TBC1D1: variants seen among roughly 807,000 people sequenced by gnomAD.
The protein encoded by TBC1D1 is TBC1 (tre-2/USP6, BUB2, cdc16) domain family, member 1.
A neutral mutation model predicts 125.6 loss-of-function variants in TBC1D1; 89 were observed. The observed-to-expected ratio is 0.71, with a 90% CI of 0.60 to 0.85. TBC1D1 has a LOEUF of 0.85. Ranked by LOEUF, TBC1D1 falls within the 40% of genes least tolerant of loss-of-function variation. The pLI is 0.00. For synonymous variants in TBC1D1, 565 were observed against 564.1 expected (o/e 1.00, Z -0.02); for missense variants, 1,377 against 1,469.2 (o/e 0.94, Z 1.03).
intron 12 of TBC1D1, among the ~76,000 whole-genome samples, chr4:38,083,976 C>T (rs372579751): frequency 2.1e-5 from 3 of 142,870 alleles, no homozygotes; most frequent in South Asian, 2.3e-4. Context: ...CTCGCTCTGT[C>T]GCCCAGGCTA....
chr4:37,927,768 G>T (rs1191543584), intron 2 of TBC1D1, among the ~76,000 whole-genome samples: 2 of 152,182 alleles, frequency 1.3e-5, no homozygotes, highest in Non-Finnish European at 2.9e-5. Context: ...GGCACAGCAA[G>T]CATCTGTAGT....
At chr4:38,077,596 A>G (rs1363496473) in intron 12 of TBC1D1, among the ~76,000 whole-genome samples, 1 of 151,190 alleles carries the variant, frequency 6.6e-6, no homozygotes, top group Non-Finnish European at 1.5e-5. Context: ...GGCAGAAATT[A>G]TACCTTGACT....
At chr4:38,025,508 T>C (rs1560642154) in intron 6 of TBC1D1, among the ~76,000 whole-genome samples, 1 of 152,210 alleles carries the variant, frequency 6.6e-6, no homozygotes, top group Non-Finnish European at 1.5e-5. Flanking sequence ...AGGGTGAAAT[T>C]GCCCAGAGGA....
chr4:38,120,272 C>T (rs1413853180), intron 17 of TBC1D1, among the ~76,000 whole-genome samples: 35 of 152,178 alleles, frequency 2.3e-4, no homozygotes, highest in Admixed American at 2.2e-3. Flanking sequence ...GGATTAGAGG[C>T]GGGAAGTGGG....
intron 12 of TBC1D1, among the ~76,000 whole-genome samples, chr4:38,067,993 G>T (rs1328671474): frequency 6.6e-6 from 1 of 152,156 alleles, no homozygotes; most frequent in Non-Finnish European, 1.5e-5. Flanking sequence ...GATTGTTCTC[G>T]CCTGACGAGA....
intron 12 of TBC1D1, among the ~76,000 whole-genome samples, chr4:38,087,504 G>A (rs1174030421): frequency 6.6e-6 from 1 of 152,172 alleles, no homozygotes; most frequent in Non-Finnish European, 1.5e-5. Flanking sequence ...TTAGAAGAAG[G>A]AGTTTAGGTG....
At chr4:38,110,116 T>A in intron 15 of TBC1D1, 2 of 789,002 alleles carry the variant, frequency 2.5e-6, no homozygotes, top group Non-Finnish European at 3.1e-6. Context: ...ACCTCTGGCC[T>A]CTTGTAGCAG....
intron 2 of TBC1D1, among the ~76,000 whole-genome samples, chr4:37,954,707 C>A (rs1171562629): frequency 6.6e-6 from 1 of 151,938 alleles, no homozygotes; most frequent in East Asian, 1.9e-4. Context: ...CTTTGAAGGT[C>A]GGCTCTGAGG....
chr4:37,993,602 G>A (rs1053961005), intron 2 of TBC1D1, among the ~76,000 whole-genome samples: 1 of 152,026 alleles, frequency 6.6e-6, no homozygotes, highest in Non-Finnish European at 1.5e-5. Flanking sequence ...TTATTTTTGA[G>A]ATGCAGTCTC....
intron 12 of TBC1D1, among the ~76,000 whole-genome samples, chr4:38,069,892 C>T (rs1269713325): frequency 6.6e-6 from 1 of 152,000 alleles, no homozygotes; most frequent in Non-Finnish European, 1.5e-5. Flanking sequence ...TTTTTTACAG[C>T]TCATCAGCTA....
chr4:38,013,726 G>A (rs28685747), intron 2 of TBC1D1, among the ~76,000 whole-genome samples: 4,239 of 152,248 alleles, frequency 0.028, 176 homozygotes, highest in African/African-American at 0.097. Context: ...GGACAACACC[G>A]TGGCAGATGA....
At chr4:37,950,121 A>T (rs1165718766) in intron 2 of TBC1D1, among the ~76,000 whole-genome samples, 2 of 152,198 alleles carry the variant, frequency 1.3e-5, no homozygotes, top group Non-Finnish European at 2.9e-5. Context: ...CAAATTGACA[A>T]ACCAGGACAA....
chr4:37,996,048 C>T, intron 2 of TBC1D1: 1 of 515,290 alleles, frequency 1.9e-6, no homozygotes, highest in Non-Finnish European at 3.9e-6. Flanking sequence ...CAGGCAGCTA[C>T]AATGAGGGAA....
At chr4:38,089,908 C>A (rs1260833476) in intron 12 of TBC1D1, 24 bp from the exon 15 acceptor site, 3 of 1,538,736 alleles carry the variant, frequency 1.9e-6, no homozygotes, top group South Asian at 2.5e-5. Context: ...AATGACAATT[C>A]TGGAATGCCG....
At chr4:38,124,144 A>G (rs1764275994) in intron 17 of TBC1D1, among the ~76,000 whole-genome samples, 1 of 152,150 alleles carries the variant, frequency 6.6e-6, no homozygotes, top group Non-Finnish European at 1.5e-5. Context: ...TATTCTAGTT[A>G]TTAGGTAACC....
rs59557310 is a variant in TBC1D1, at chr4:37,945,512, CAAAAAAAAAAAAAAAAAAAAAAAAA to C, written c.417+43015_417+43039del. Among the ~76,000 whole-genome samples, 4 of 20,680 alleles carry C rather than the reference CAAAAAAAAAAAAAAAAAAAAAAAAA, an allele frequency of 1.9e-4. 1 individual carries two copies. The Admixed American group carries it at 3.6e-3, about 19-fold the overall frequency. The allele number at this position is 20,680 out of a possible 152,430, so 13.6% of individuals were successfully genotyped here. On this transcript the variant is annotated intron_variant, in intron 2 of 19. Coordinates refer to ENST00000261439, the MANE Select transcript of TBC1D1 (RefSeq NM_015173.4). ...TGGGCAACAGAGAGAGACTCCACCT[CAAAAAAAAAAAAAAAAAAAAAAAAA>C]AAAAAAAAAAAAAAGCCTAGAAGCA...
At chr4:37,911,360 T>C (rs1297563859) in intron 2 of TBC1D1, among the ~76,000 whole-genome samples, 2 of 152,106 alleles carry the variant, frequency 1.3e-5, no homozygotes, top group Admixed American at 6.5e-5. Flanking sequence ...ACCCTACTCA[T>C]TGTGGTCTGT....
intron 17 of TBC1D1, chr4:38,120,105 A>G: frequency 1.0e-6 from 1 of 985,442 alleles, no homozygotes; most frequent in Non-Finnish European, 1.2e-6. Flanking sequence ...TGCAGCTTGT[A>G]AAGGTAAGAT....
chr4:37,931,315 T>C (rs758768579), intron 2 of TBC1D1, among the ~76,000 whole-genome samples: 3 of 152,108 alleles, frequency 2.0e-5, no homozygotes, highest in Non-Finnish European at 2.9e-5. Context: ...CAGGCTGGTC[T>C]TGAACTCCTG....
Sources: gnomAD v4.1 joint callset for allele counts (sites outside exome capture counted in the v4.1 genomes callset) on GRCh38, gnomAD v4.1.1 for gene constraint, MANE v1.5 for transcripts, NCBI Gene and HGNC (gene_info 2026-07-23, HGNC 2026-07-21) for gene names.